Variants in LOC128092252 observed in about 807,000 individuals in gnomAD.
chr15:50,661,437 ACT>A, the LOC128092252 span, among the ~76,000 whole-genome samples: 11 of 152,060 alleles, frequency 7.2e-5, no homozygotes, highest in East Asian at 1.2e-3. Context: ...ATGTATTGAA[ACT>A]CTACGTATTG....
chr15:50,678,007 A>T, the LOC128092252 span, among the ~76,000 whole-genome samples: 1 of 152,000 alleles, frequency 6.6e-6, no homozygotes, highest in Non-Finnish European at 1.5e-5. Context: ...TGGGAGGCCG[A>T]GGCGGGCGGA....
chr15:50,669,717 T>C, the LOC128092252 span, among the ~76,000 whole-genome samples: 1 of 152,162 alleles, frequency 6.6e-6, no homozygotes, highest in Non-Finnish European at 1.5e-5. Flanking sequence ...TGAGTTTTTT[T>C]CCTGCAATTT....
the LOC128092252 span, among the ~76,000 whole-genome samples, chr15:50,663,689 G>A: frequency 2.8e-4 from 43 of 152,226 alleles, 1 homozygote; most frequent in East Asian, 6.6e-3. Flanking sequence ...CAACTAGCTC[G>A]GCACAGTAGC....
the LOC128092252 span, among the ~76,000 whole-genome samples, chr15:50,684,511 C>T: frequency 2.0e-4 from 31 of 151,844 alleles, no homozygotes; most frequent in African/African-American, 6.8e-4. Flanking sequence ...TGTGGTGGCT[C>T]GCACCTGGAG....
chr15:50,663,133 C>A, the LOC128092252 span: 31 of 805,512 alleles, frequency 3.8e-5, 1 homozygote, highest in South Asian at 4.4e-4. Flanking sequence ...ATAAACAGTT[C>A]TTTTTTTTTT....
chr15:50,657,241 T>A, the LOC128092252 span, among the ~76,000 whole-genome samples: 1 of 152,132 alleles, frequency 6.6e-6, no homozygotes, highest in Non-Finnish European at 1.5e-5. Context: ...GGAGAATTGC[T>A]TGAACCCATG....
At chr15:50,653,506 T>C in the LOC128092252 span, among the ~76,000 whole-genome samples, 2 of 152,070 alleles carry the variant, frequency 1.3e-5, no homozygotes, top group Admixed American at 6.6e-5. Context: ...ACAAAATATA[T>C]GAGATAACTG....
At chr15:50,680,049 C>T in the LOC128092252 span, among the ~76,000 whole-genome samples, 3 of 151,956 alleles carry the variant, frequency 2.0e-5, no homozygotes, top group Non-Finnish European at 2.9e-5. Context: ...GCCTGGTCAA[C>T]ATGGTGAAAC....
At chr15:50,679,031 G>T in the LOC128092252 span, among the ~76,000 whole-genome samples, 10 of 152,052 alleles carry the variant, frequency 6.6e-5, no homozygotes, top group South Asian at 2.1e-3. Context: ...GTGCCACCAC[G>T]CCCGGCTAAT....
At chr15:50,682,718 A>G in the LOC128092252 span, among the ~76,000 whole-genome samples, 4 of 152,312 alleles carry the variant, frequency 2.6e-5, no homozygotes, top group African/African-American at 4.8e-5. Context: ...CAATTCTCCA[A>G]GTCAAACACT....
At chr15:50,649,990 T>C in the LOC128092252 span, among the ~76,000 whole-genome samples, 2 of 149,944 alleles carry the variant, frequency 1.3e-5, no homozygotes, top group African/African-American at 2.5e-5. Flanking sequence ...AGGTCAGGAG[T>C]TCGATACCAT....
the LOC128092252 span, chr15:50,686,516 G>C: frequency 6.2e-7 from 1 of 1,613,864 alleles, no homozygotes; most frequent in African/African-American, 1.3e-5. Context: ...GCCCGGGCCT[G>C]CGTGGGTCCA....
chr15:50,649,429 C>A, the LOC128092252 span, among the ~76,000 whole-genome samples: 1 of 147,290 alleles, frequency 6.8e-6, no homozygotes, highest in Admixed American at 7.0e-5. Flanking sequence ...ACAAGCAAGA[C>A]CCCAACTCAA....
chr15:50,648,983 A>T, the LOC128092252 span: 1 of 835,962 alleles, frequency 1.2e-6, no homozygotes, highest in Non-Finnish European at 1.7e-6. Flanking sequence ...TAAGCTTTAA[A>T]ATTTTTATAT....
chr15:50,651,660 A>AAAAAATT, the LOC128092252 span, among the ~76,000 whole-genome samples: 1 of 152,082 alleles, frequency 6.6e-6, no homozygotes, highest in Admixed American at 6.6e-5. Context: ...AAAATTAAAG[A>AAAAAATT]AAAGAAGACT....
At chr15:50,664,308 C>CAAAA in the LOC128092252 span, among the ~76,000 whole-genome samples, 1 of 58,882 alleles carries the variant, frequency 1.7e-5, no homozygotes, top group African/African-American at 5.9e-5. Flanking sequence ...GACTCCGTCT[C>CAAAA]AAAAAAAAAA....
the LOC128092252 span, among the ~76,000 whole-genome samples, chr15:50,668,683 T>C: frequency 6.6e-6 from 1 of 152,092 alleles, no homozygotes; most frequent in Non-Finnish European, 1.5e-5. Flanking sequence ...ACTTTTTGTA[T>C]CTTTAGTAGA....
the LOC128092252 span, among the ~76,000 whole-genome samples, chr15:50,669,670 G>A: frequency 2.0e-5 from 3 of 152,182 alleles, no homozygotes; most frequent in Middle Eastern, 3.4e-3. Flanking sequence ...AAGAACTATG[G>A]TATACCTGTC....
the LOC128092252 span, among the ~76,000 whole-genome samples, chr15:50,664,333 T>TA: frequency 7.1e-6 from 1 of 141,432 alleles, no homozygotes; most frequent in East Asian, 2.0e-4. Context: ...AAAAAAGTGA[T>TA]AGATTGATAA....
Sources: gnomAD v4.1 joint callset for allele counts (sites outside exome capture counted in the v4.1 genomes callset) on GRCh38, gnomAD v4.1.1 for gene constraint, MANE v1.5 for transcripts.